Variants in TNS1 observed in about 807,000 individuals in gnomAD.
The protein encoded by TNS1 is tensin 1.
Under a neutral mutation model 168.6 loss-of-function variants are expected in TNS1, and 62 were observed. That is an observed-to-expected ratio of 0.37 (90% CI 0.30 to 0.45). TNS1 has a LOEUF of 0.45. TNS1 is among the 20% of genes least tolerant of loss of function. The pLI is 1.00. For synonymous variants in TNS1, 934 were observed against 933.2 expected (o/e 1.00, Z -0.02); for missense variants, 2,240 against 2,339.4 (o/e 0.96, Z 0.88).
intron 25 of TNS1, chr2:217,814,071 G>A: frequency 3.4e-6 from 1 of 292,308 alleles, no homozygotes; most frequent in South Asian, 5.5e-5. Flanking sequence ...GCACAATCAT[G>A]GCTCACTGCA....
intron 28 of TNS1, among the ~76,000 whole-genome samples, chr2:217,811,547 T>C (rs1340000920): frequency 6.6e-6 from 1 of 152,078 alleles, no homozygotes; most frequent in Non-Finnish European, 1.5e-5. Flanking sequence ...TAGGAGCGCT[T>C]CTGAAGGTCC....
upstream of TNS1, among the ~76,000 whole-genome samples, chr2:218,005,062 G>GTC (rs1386290790): frequency 3.9e-4 from 60 of 152,276 alleles, no homozygotes; most frequent in East Asian, 0.011. Flanking sequence ...CACCAGCTCT[G>GTC]CCAGGCTGCC....
intron 9 of TNS1, 56 bp from the exon 10 acceptor site, chr2:217,893,617 C>T: frequency 6.5e-7 from 1 of 1,543,318 alleles, no homozygotes; most frequent in Non-Finnish European, 8.8e-7. Flanking sequence ...GCCAAACAAG[C>T]CAGCGGGAGC....
At chr2:217,859,970 G>GTGA (rs1948628763) in intron 18 of TNS1, among the ~76,000 whole-genome samples, 2 of 152,214 alleles carry the variant, frequency 1.3e-5, no homozygotes, top group Non-Finnish European at 2.9e-5. Context: ...TGGACAGGAG[G>GTGA]TGATCTGGGC....
At chr2:217,999,789 C>T (rs552531250) in intron 1 of TNS1, among the ~76,000 whole-genome samples, 29 of 152,336 alleles carry the variant, frequency 1.9e-4, no homozygotes, top group African/African-American at 7.0e-4. Flanking sequence ...GGCAGGACAC[C>T]AACTCCAGGA....
chr2:217,809,668 G>C, intron 30 of TNS1, 155 bp downstream of exon 30: 1 of 738,064 alleles, frequency 1.4e-6, no homozygotes, highest in Non-Finnish European at 2.2e-6. Flanking sequence ...TAAGTAGCTG[G>C]GTAGATGGGA....
rs369037979 is a variant in TNS1, at chr2:217,883,044, C to A, written c.1247-633G>T. Among the ~76,000 whole-genome samples, 7 of 152,282 alleles carry A rather than the reference C, an allele frequency of 4.6e-5. 1 individual carries two copies. The South Asian group carries it at 1.2e-3, about 27-fold the overall frequency. Reference sequence around the variant, plus strand: ...CTCCTGGGCTCAAGCAATCCACCGGCCTCAGCATCCCAAAGTGCTGGGTCT... The same window carrying A: ...CTCCTGGGCTCAAGCAATCCACCGGACTCAGCATCCCAAAGTGCTGGGTCT... On this transcript the variant is annotated intron_variant, in intron 16 of 32. Transcript: ENST00000682258.
rs149391769 is a variant in TNS1, at chr2:217,898,950, G to T, written c.372-981C>A. Among the ~76,000 whole-genome samples the T allele has an allele frequency of 1.8e-3, 269 of 152,346 alleles. 1 individual carries two copies. In the East Asian group the frequency reaches 0.027, roughly 15 times the overall value. On this transcript the variant is annotated intron_variant, in intron 7 of 32. Coordinates refer to ENST00000682258, the MANE Select transcript of TNS1 (RefSeq NM_001387777.1). ...TTTCCCCAATCATTGACCTCCTAGT[G>T]TCTCGCTTCCCCCTCTATCAAATGC...
At chr2:217,998,219 G>GTCTCTC (rs1173660793) in intron 1 of TNS1, among the ~76,000 whole-genome samples, 6 of 97,070 alleles carry the variant, frequency 6.2e-5, no homozygotes, top group Admixed American at 1.2e-4. Context: ...CTCTCCATCA[G>GTCTCTC]TGTCTCTCTC....
At chr2:217,811,092 C>A (rs1454836052) in intron 28 of TNS1, among the ~76,000 whole-genome samples, 2 of 152,082 alleles carry the variant, frequency 1.3e-5, no homozygotes, top group African/African-American at 4.8e-5. Context: ...ATTCTACAGG[C>A]TGGTCTTGAA....
chr2:217,936,646 C>A (rs1956623847), intron 3 of TNS1, among the ~76,000 whole-genome samples: 1 of 152,178 alleles, frequency 6.6e-6, no homozygotes. Flanking sequence ...AAATCACAGT[C>A]TCATCATGTC....
At chr2:217,924,915 GA>G (rs1955934487) in intron 3 of TNS1, among the ~76,000 whole-genome samples, 1 of 152,194 alleles carries the variant, frequency 6.6e-6, no homozygotes, top group Admixed American at 6.5e-5. Context: ...CTCATCATAA[GA>G]CCTGGGTTGT....
At chr2:217,849,656 C>T in intron 18 of TNS1, 1 of 985,426 alleles carries the variant, frequency 1.0e-6, no homozygotes, top group Non-Finnish European at 1.2e-6. Flanking sequence ...CCCTCCGCCA[C>T]CCCATCTCAA....
chr2:218,003,658 C>A (rs769439490), upstream of TNS1, among the ~76,000 whole-genome samples: 13 of 151,920 alleles, frequency 8.6e-5, no homozygotes, highest in Non-Finnish European at 1.3e-4. Flanking sequence ...TTCTTTCCTG[C>A]AAACATCTGT....
Position 217,847,735 on chromosome 2 carries a change from C to A in TNS1, c.2782G>T (p.Ala928Ser), listed in dbSNP as rs751233413. The A allele has an allele frequency of 1.2e-6, 2 of 1,607,816 alleles. No homozygotes were observed. Among genetic ancestry groups the A allele is most frequent in the Admixed American group, 1.7e-5 (1 of 59,926 alleles). The change falls in exon 19 of 33, where the codon GCT (alanine) becomes TCT (serine). Residue 928 changes from alanine to serine, a missense_variant. Ala to Ser is a moderately conservative substitution (Grantham distance 99). Around this residue, in one of 2 missense-constraint regions of TNS1, gnomAD observed 2,131 missense variants for 2,171.2 expected, o/e 0.98. Coordinates refer to ENST00000682258, the MANE Select transcript of TNS1 (RefSeq NM_001387777.1). Reference sequence around the variant, plus strand: ...GAATGGAAATCCTGGTTAGGCCCAGCCAAACATGGCTGATAGTCATAAGGT... The same window carrying A: ...GAATGGAAATCCTGGTTAGGCCCAGACAAACATGGCTGATAGTCATAAGGT... ...YSPYDYQPCL[A>S]GPNQDFHSKS...
At chr2:217,939,944 G>GCCCGT (rs1438921316) in intron 3 of TNS1, among the ~76,000 whole-genome samples, 2 of 152,214 alleles carry the variant, frequency 1.3e-5, no homozygotes, top group Non-Finnish European at 2.9e-5. Flanking sequence ...CTAGCGTCCA[G>GCCCGT]CAACCTCCTG....
chr2:217,902,353 A>G (rs936443562), intron 6 of TNS1, among the ~76,000 whole-genome samples: 1 of 152,184 alleles, frequency 6.6e-6, no homozygotes, highest in Non-Finnish European at 1.5e-5. Context: ...AAGCCACCAC[A>G]GCTGCTTTGA....
chr2:218,025,927 C>T (rs575066394), intron 1 of TNS1, among the ~76,000 whole-genome samples: 10 of 152,260 alleles, frequency 6.6e-5, no homozygotes, highest in Admixed American at 2.0e-4. Flanking sequence ...GAGGCTAGGA[C>T]GCATCCTCCA....
In TNS1 at chr2:217,987,488, T is replaced by C. The variant is rs529220375; in HGVS notation, c.148+3454A>G. On this transcript the variant is annotated intron_variant, in intron 2 of 32. Coordinates refer to ENST00000682258, the MANE Select transcript of TNS1 (RefSeq NM_001387777.1). ...CCTCTTTTGGCCATATTACATCAAA[T>C]GGGAAATGCAAGAGGGAGGAAAACG... 2.0e-5 allele frequency among the ~76,000 whole-genome samples: 3 copies of C among 152,190 alleles called. No individual in the cohort carries two copies. The East Asian group carries it at 5.8e-4, about 29-fold the overall frequency.
Sources: allele counts gnomAD v4.1 joint callset (sites outside exome capture counted in the v4.1 genomes callset), GRCh38; gene constraint gnomAD v4.1.1; regional missense constraint gnomAD v4.1.1; transcripts MANE v1.5; gene names NCBI Gene and HGNC (gene_info 2026-07-23, HGNC 2026-07-21).